STK10: variants seen among roughly 807,000 people sequenced by gnomAD.
STK10 encodes serine/threonine-protein kinase 10.
In STK10, 78 loss-of-function variants were observed where a neutral mutation model predicts 113.8. The ratio of observed to expected loss-of-function variants is 0.69; its 90% CI spans 0.57 to 0.83. STK10 has a LOEUF of 0.83. Among genes scored for constraint, STK10 ranks in the 40% least tolerant of loss-of-function variants. STK10 has a pLI of 0.00. For missense variants in STK10, 1,109 were observed against 1,280.1 expected, an observed-to-expected ratio of 0.87 and a Z score of 2.04; for synonymous variants, 465 against 494.7, an observed-to-expected ratio of 0.94 and a Z score of 0.80.
At chr5:172,078,312 C>G (rs935263784) in intron 12 of STK10, among the ~76,000 whole-genome samples, 10 of 152,136 alleles carry the variant, frequency 6.6e-5, no homozygotes, top group Non-Finnish European at 1.5e-4. Context: ...CACAAAAGAC[C>G]AGTAACTGGG....
chr5:172,046,327 A>G (rs2113677765), intron 18 of STK10, among the ~76,000 whole-genome samples: 1 of 148,534 alleles, frequency 6.7e-6, no homozygotes, highest in African/African-American at 2.5e-5. Flanking sequence ...ACTGCACTCT[A>G]GCCTGGGTGA....
intron 2 of STK10, among the ~76,000 whole-genome samples, chr5:172,148,506 G>A (rs1770134953): frequency 6.6e-6 from 1 of 152,198 alleles, no homozygotes; most frequent in Admixed American, 6.5e-5. Flanking sequence ...CCAACAGCGG[G>A]ATCCCAGCAA....
At chr5:172,146,953 C>T (rs751189484) in intron 2 of STK10, among the ~76,000 whole-genome samples, 51 of 152,284 alleles carry the variant, frequency 3.3e-4, no homozygotes, top group South Asian at 1.2e-3. Context: ...GCTCAGGCCC[C>T]GAGACTGCGC....
intron 4 of STK10, among the ~76,000 whole-genome samples, chr5:172,113,125 A>AGTTTTTTGGTTTTGTGG (rs1769277267): frequency 6.6e-6 from 1 of 152,186 alleles, no homozygotes; most frequent in Admixed American, 6.5e-5. Context: ...TATGTAGCAA[A>AGTTTTTTGGTTTTGTGG]GTTTTTTGGT....
intron 12 of STK10, among the ~76,000 whole-genome samples, chr5:172,073,912 C>A (rs1490668356): frequency 1.3e-5 from 2 of 151,042 alleles, no homozygotes; most frequent in Non-Finnish European, 2.9e-5. Flanking sequence ...TTGTAGTGAG[C>A]CAAGATCACG....
intron 1 of STK10, among the ~76,000 whole-genome samples, chr5:172,159,733 G>T (rs1770428823): frequency 6.6e-6 from 1 of 152,100 alleles, no homozygotes; most frequent in Non-Finnish European, 1.5e-5. Context: ...TGAGGCACAA[G>T]AATTGCTTGA....
At chr5:172,099,644 C>T (rs747139738) in intron 7 of STK10, among the ~76,000 whole-genome samples, 6 of 126,270 alleles carry the variant, frequency 4.8e-5, no homozygotes, top group Non-Finnish European at 7.4e-5. Flanking sequence ...AAGGTGAGAA[C>T]CAAGATCCCA....
At chr5:172,132,219 C>T (rs1035851816) in intron 2 of STK10, among the ~76,000 whole-genome samples, 3 of 152,134 alleles carry the variant, frequency 2.0e-5, no homozygotes, top group African/African-American at 7.2e-5. Flanking sequence ...AGAAAAAAGA[C>T]TGGAAGCACA....
intron 2 of STK10, among the ~76,000 whole-genome samples, chr5:172,149,843 C>T (rs1770174739): frequency 1.3e-5 from 2 of 151,662 alleles, no homozygotes; most frequent in African/African-American, 4.9e-5. Flanking sequence ...GTCAGAAGTT[C>T]AAGACCAGCC....
intron 2 of STK10, among the ~76,000 whole-genome samples, chr5:172,128,366 A>T: frequency 7.7e-6 from 1 of 129,248 alleles, no homozygotes; most frequent in Non-Finnish European, 1.6e-5. Flanking sequence ...TTTTAGACAG[A>T]CTCTCGCTCT....
At chr5:172,176,693 A>G (rs2113838907) in intron 1 of STK10, among the ~76,000 whole-genome samples, 1 of 152,330 alleles carries the variant, frequency 6.6e-6, no homozygotes, top group East Asian at 1.9e-4. Flanking sequence ...TTTTGAGATC[A>G]AAACTGCCAA....
At chr5:172,086,905 G>A (rs567560446) in intron 10 of STK10, among the ~76,000 whole-genome samples, 6 of 152,348 alleles carry the variant, frequency 3.9e-5, no homozygotes, top group African/African-American at 1.4e-4. Flanking sequence ...GGGCCAGAGA[G>A]CACTGCTTCT....
At chr5:172,121,523 T>C (rs2113782250) in intron 3 of STK10, among the ~76,000 whole-genome samples, 1 of 151,818 alleles carries the variant, frequency 6.6e-6, no homozygotes, top group South Asian at 2.1e-4. Context: ...AAAAAAATTT[T>C]TGGCAGGGCG....
In STK10 at chr5:172,064,315, C is replaced by G. The variant is rs192357005; in HGVS notation, c.2082+405G>C. The stretch of plus-strand genomic sequence containing the variant: ...CAGAAAGGAAGGAAAATGGCACCCC[C>G]TCAGAGCATAACAGGACCAGGTCTG... On this transcript the variant is annotated intron_variant, in intron 13 of 18. Transcript: ENST00000176763. The G allele has an allele frequency of 1.1e-4, 21 of 186,942 alleles. No homozygotes were observed. The East Asian group carries it at 2.6e-3, about 24-fold the overall frequency. The allele number at this position is 186,942 out of a possible 1,614,324, so 11.6% of individuals were successfully genotyped here. A position where few individuals can be genotyped will look rare whatever the true frequency, so the allele number is the denominator to read the frequency against.
chr5:172,057,325 G>T, intron 15 of STK10, 24 bp downstream of exon 15: 1 of 1,577,110 alleles, frequency 6.3e-7, no homozygotes, highest in Non-Finnish European at 8.6e-7. Flanking sequence ...GCAGATCCGA[G>T]CCCCGTGCCA....
rs1770299151 is a variant in STK10 at position 172,154,168 on chromosome 5, T to G, written c.321+2456A>C. On this transcript the variant is annotated intron_variant, in intron 2 of 18. Transcript: ENST00000176763. ...GCTGGGCCCTACCTTAAAACGCCAA[T>G]TGCTGGGCCTCACCTCAGTTACTGA... 2.0e-5 allele frequency among the ~76,000 whole-genome samples: 3 copies of G among 152,190 alleles called. No individual in the cohort carries two copies. The South Asian group carries it at 6.2e-4, about 32-fold the overall frequency.
At chr5:172,116,232 C>G (rs1483915098) in intron 4 of STK10, among the ~76,000 whole-genome samples, 26 of 152,136 alleles carry the variant, frequency 1.7e-4, no homozygotes, top group Non-Finnish European at 2.9e-5. Context: ...AGGCGTGTGC[C>G]ACCACGCCCG....
intron 7 of STK10, among the ~76,000 whole-genome samples, chr5:172,102,457 C>T (rs1010834330): frequency 2.0e-5 from 3 of 152,132 alleles, no homozygotes; most frequent in African/African-American, 7.2e-5. Flanking sequence ...AACAGCTGGA[C>T]GCGGGCCGAG....
At chr5:172,050,567 C>G (rs1017054652) in intron 18 of STK10, among the ~76,000 whole-genome samples, 1 of 152,118 alleles carries the variant, frequency 6.6e-6, no homozygotes, top group African/African-American at 2.4e-5. Flanking sequence ...AGCAAACACT[C>G]TCTTGAAAAT....
Sources: allele counts gnomAD v4.1 joint callset (sites outside exome capture counted in the v4.1 genomes callset), GRCh38; gene constraint gnomAD v4.1.1; transcripts MANE v1.5; gene names NCBI Gene and HGNC (gene_info 2026-07-23, HGNC 2026-07-21).